Variants in DNAH11 observed in about 807,000 individuals in gnomAD.
DNAH11 encodes axonemal beta dynein heavy chain 11.
DNAH11 carries 442 observed loss-of-function variants against 526.0 expected under a neutral mutation model. That is an observed-to-expected ratio of 0.84 (90% confidence interval 0.78 to 0.91). The LOEUF (loss-of-function observed/expected upper bound fraction) is 0.91. Ranked by LOEUF, DNAH11 falls within the 40% of genes least tolerant of loss-of-function variation. The probability of loss-of-function intolerance (pLI) is 0.00; values close to 1 mark genes in which losing one functional copy is unlikely to be tolerated. For synonymous variants in DNAH11, 2,461 were observed against 1,935.9 expected (o/e 1.27, Z -7.12); for missense variants, 6,989 against 5,448.7 (o/e 1.28, Z -8.90).
At chr7:21,696,868 A>G (rs895987271) in intron 35 of DNAH11, among the ~76,000 whole-genome samples, 19 of 152,296 alleles carry the variant, frequency 1.2e-4, no homozygotes, top group African/African-American at 3.4e-4. Context: ...TTAGCACCCA[A>G]TATGGTATGA....
chr7:21,762,669 C>G (rs918829682), intron 54 of DNAH11, among the ~76,000 whole-genome samples: 26 of 152,140 alleles, frequency 1.7e-4, no homozygotes, highest in Admixed American at 3.9e-4. Flanking sequence ...AAAATGATTA[C>G]TCAGCTTATG....
chr7:21,764,882 C>T (rs555130548), intron 54 of DNAH11, among the ~76,000 whole-genome samples: 1 of 152,190 alleles, frequency 6.6e-6, no homozygotes, highest in Admixed American at 6.5e-5. Context: ...TCTTAAAGAC[C>T]AGTGTGATGG....
intron 56 of DNAH11, among the ~76,000 whole-genome samples, chr7:21,774,599 T>TA (rs1477280098): frequency 3.3e-5 from 5 of 152,156 alleles, no homozygotes; most frequent in Non-Finnish European, 7.3e-5. Context: ...ATTTCGTTGT[T>TA]AAAAAAGGAT....
chr7:21,768,350 G>A (rs140693164), intron 55 of DNAH11, among the ~76,000 whole-genome samples: 1 of 152,364 alleles, frequency 6.6e-6, no homozygotes, highest in South Asian at 2.1e-4. Context: ...AGAAGCTGCG[G>A]TGTTGAAAAA....
At chr7:21,900,682 G>C (rs574352267) in intron 81 of DNAH11, among the ~76,000 whole-genome samples, 9 of 152,180 alleles carry the variant, frequency 5.9e-5, no homozygotes, top group Non-Finnish European at 1.5e-5. Context: ...GCGACGGGGA[G>C]GAAATGTGGT....
chr7:21,896,632 TCTC>T (rs1784524524), intron 79 of DNAH11, among the ~76,000 whole-genome samples: 2 of 152,246 alleles, frequency 1.3e-5, no homozygotes, highest in South Asian at 4.1e-4. Context: ...AATATCGTAT[TCTC>T]CTCATGTCTA....
intron 54 of DNAH11, among the ~76,000 whole-genome samples, chr7:21,763,353 A>AAAAAAAAAAAAAAAAAAAGAAG (rs66803559): frequency 8.8e-5 from 5 of 56,956 alleles, no homozygotes; most frequent in African/African-American, 1.0e-4. Context: ...AAAAAAAAAA[A>AAAAAAAAAAAAAAAAAAAGAAG]AAAGAAAAAA....
chr7:21,588,738 C>T, intron 11 of DNAH11, 102 bp downstream of exon 11: 3 of 1,354,270 alleles, frequency 2.2e-6, no homozygotes, highest in South Asian at 1.2e-5. Flanking sequence ...GAAGCCATTG[C>T]CCTGTTCACT....
chr7:21,588,596 C>T lies in DNAH11; in HGVS notation c.1933C>T (p.Leu645Phe), dbSNP rs1171923956. The T allele has an allele frequency of 1.9e-6, 3 of 1,613,564 alleles. No individual in the cohort carries two copies. The highest frequency in any genetic ancestry group is 2.5e-6 in the Non-Finnish European group (3 of 1,179,644). The change falls in exon 11 of 82, where the codon CTT becomes TTT. Residue 645 changes from leucine (L) to phenylalanine (F), a missense_variant. Leu to Phe is a conservative substitution (Grantham distance 22). Transcript: ENST00000409508. ...MKWAQQVLQRLQMFWSNFASL... is the reference protein window; with the variant it reads ...MKWAQQVLQRFQMFWSNFASL... ...ATGGGCCCAGCAGGTTCTCCAACGA[C>T]TTCAAATGTTTTGGTCAAACTTCGC...
At chr7:21,865,316 T>C (rs1583788609) in intron 70 of DNAH11, among the ~76,000 whole-genome samples, 1 of 152,220 alleles carries the variant, frequency 6.6e-6, no homozygotes, top group East Asian at 1.9e-4. Flanking sequence ...TTTTTATATA[T>C]GTTCAGCTTT....
chr7:21,589,150 T>A, intron 11 of DNAH11, 58 bp from the exon 12 acceptor site: 1 of 1,317,792 alleles, frequency 7.6e-7, no homozygotes, highest in Non-Finnish European at 1.0e-6. Flanking sequence ...TATACAATTA[T>A]TAAGCGGAAA....
At chr7:21,734,719 A>G (rs1785528662) in intron 45 of DNAH11, among the ~76,000 whole-genome samples, 1 of 152,050 alleles carries the variant, frequency 6.6e-6, no homozygotes, top group African/African-American at 2.4e-5. Context: ...TTAGCTGGGC[A>G]TGGTGGTGCA....
intron 2 of DNAH11, among the ~76,000 whole-genome samples, chr7:21,548,338 A>G (rs1395936389): frequency 6.6e-6 from 1 of 152,174 alleles, no homozygotes; most frequent in African/African-American, 2.4e-5. Flanking sequence ...TTCTTAGTAT[A>G]ACTGATGAAT....
intron 73 of DNAH11, among the ~76,000 whole-genome samples, chr7:21,869,928 G>C (rs1783432462): frequency 6.6e-6 from 1 of 152,182 alleles, no homozygotes; most frequent in Non-Finnish European, 1.5e-5. Flanking sequence ...GGGCACCTGA[G>C]GAATGTGCTG....
chr7:21,789,899 C>A (rs1266706696), intron 61 of DNAH11, among the ~76,000 whole-genome samples: 3 of 136,752 alleles, frequency 2.2e-5, no homozygotes, highest in Non-Finnish European at 3.1e-5. Context: ...TTTCCTTTCC[C>A]CTCCCTCCCT....
At position 21,619,963 on chromosome 7, in the gene DNAH11, C is replaced by A; in HGVS notation, c.4385C>A (p.Thr1462Asn). The change falls in exon 25 of 82, where the codon ACT becomes AAT. Residue 1462 changes from threonine to asparagine, a missense_variant. Transcript: ENST00000409508. Reference sequence around the variant, plus strand: ...TATATTGTTGATTACTAGGTTATTACTGAAATCAGTCAGACCTGGGCAACC... The same window carrying A: ...TATATTGTTGATTACTAGGTTATTAATGAAATCAGTCAGACCTGGGCAACC... ...VKELGTEKVI[T>N]EISQTWATMK... The A allele has an allele frequency of 1.0e-5, 16 of 1,598,234 alleles. No homozygotes were observed. Among genetic ancestry groups the A allele is most frequent in the Non-Finnish European group, 1.4e-5 (16 of 1,174,610 alleles).
Position 21,861,914 on chromosome 7 carries a change from G to A in DNAH11, c.11264G>A (p.Gly3755Glu), listed in dbSNP as rs1783077514. 6.2e-7 allele frequency: 1 copy of A among 1,613,512 alleles called. No individual in the cohort carries two copies. Among genetic ancestry groups the A allele is most frequent in the South Asian group, 1.1e-5 (1 of 91,018 alleles). Residue 3755 changes from glycine to glutamate, a missense_variant, in exon 69 of 82, where the codon GGA (glycine) becomes GAA (glutamate). Transcript: ENST00000409508. ...EQADKVEDMQ[G>E]RISILMESIT... ...GCTGACAAGGTGGAAGACATGCAGGGACGCATCTCTATCCTGATGGAGAGC... is the reference window on the plus strand; with the variant it reads ...GCTGACAAGGTGGAAGACATGCAGGAACGCATCTCTATCCTGATGGAGAGC...
At position 21,652,665 on chromosome 7, in the gene DNAH11, C is replaced by T. The variant is rs201722459; in HGVS notation, c.4945-3167C>T. Among the ~76,000 whole-genome samples the T allele has an allele frequency of 4.6e-5, 7 of 152,074 alleles. No homozygotes were observed. The East Asian group carries it at 5.8e-4, about 13-fold the overall frequency. ...CCCATTGATCATTCAGATTGCATAA[C>T]GTGATTTCAACTGGTGTGGTCATTT... On this transcript the variant is annotated intron_variant, in intron 28 of 81. Transcript: ENST00000409508.
chr7:21,651,405 C>T (rs1040894791), intron 28 of DNAH11, among the ~76,000 whole-genome samples: 2 of 151,930 alleles, frequency 1.3e-5, no homozygotes, highest in Non-Finnish European at 2.9e-5. Context: ...CTCTGTCACC[C>T]AGGCTGGAGT....
Sources: gnomAD v4.1 joint callset for allele counts (sites outside exome capture counted in the v4.1 genomes callset) on GRCh38, gnomAD v4.1.1 for gene constraint, MANE v1.5 for transcripts, NCBI Gene and HGNC (gene_info 2026-07-23, HGNC 2026-07-21) for gene names.